The following WWP2 variants were observed in gnomAD, a reference collection of about 807,000 sequenced individuals.
WWP2 encodes NEDD4-like E3 ubiquitin-protein ligase WWP2.
Under a neutral mutation model 121.0 loss-of-function variants are expected in WWP2, and 57 were observed. The ratio of observed to expected loss-of-function variants is 0.47; its 90% CI spans 0.38 to 0.59. The LOEUF is 0.59. Ranked by LOEUF, WWP2 falls within the 20% of genes least tolerant of loss-of-function variation. WWP2 has a pLI of 0.00. For synonymous variants in WWP2, 449 were observed against 441.3 expected (o/e 1.02, Z -0.22); for missense variants, 962 against 1,158.9 (o/e 0.83, Z 2.47).
intron 11 of WWP2, 79 bp from the exon 12 acceptor site, chr16:69,929,367 CCA>C (rs1212688772): frequency 2.2e-6 from 3 of 1,345,286 alleles, no homozygotes; most frequent in Non-Finnish European, 3.2e-6. Flanking sequence ...GACCCAGCAC[CCA>C]GGAGGTGGGA....
chr16:69,936,173 A>G, intron 18 of WWP2, 139 bp from the exon 19 acceptor site: 1 of 1,445,438 alleles, frequency 6.9e-7, no homozygotes, highest in Non-Finnish European at 9.4e-7. Context: ...CTTCTCCTTG[A>G]GTCAAGGAGC....
intron 6 of WWP2, among the ~76,000 whole-genome samples, chr16:69,850,660 G>A (rs1348128777): frequency 1.3e-5 from 2 of 152,188 alleles, no homozygotes; most frequent in Admixed American, 6.5e-5. Context: ...CAGCATGAGT[G>A]AAGGCAAGGA....
intron 4 of WWP2, among the ~76,000 whole-genome samples, chr16:69,801,966 G>A (rs866061550): frequency 6.6e-6 from 1 of 150,622 alleles, no homozygotes; most frequent in Admixed American, 6.6e-5. Context: ...GTCTTGCCCT[G>A]TTGCCCAGGC....
chr16:69,825,087 A>G (rs376248829), intron 4 of WWP2, among the ~76,000 whole-genome samples: 3 of 151,910 alleles, frequency 2.0e-5, no homozygotes, highest in African/African-American at 7.2e-5. Context: ...TTATGTGTAT[A>G]TTTGTGCTTG....
At position 69,934,087 on chromosome 16, in the gene WWP2, C is replaced by G. The variant is rs2058760052; in HGVS notation, c.1800C>G (p.Asp600Glu). ...ACCCCGCCTCCTCCATCAACCCGGA[C>G]CACCTCACCTACTTTCGCTTTATAG... ...QINPASSINPDHLTYFRFIGR... is the reference protein window; with the variant it reads ...QINPASSINPEHLTYFRFIGR... The change falls in exon 17 of 24, where the codon GAC (aspartate) becomes GAG (glutamate). Residue 600 changes from aspartate (D) to glutamate (E), a missense_variant. Coordinates refer to ENST00000359154, the MANE Select transcript of WWP2 (RefSeq NM_001270454.2). 1.2e-6 allele frequency: 2 copies of G among 1,614,210 alleles called. No homozygotes were observed. Among genetic ancestry groups the G allele is most frequent in the Non-Finnish European group, 1.7e-6 (2 of 1,180,028 alleles).
intron 6 of WWP2, among the ~76,000 whole-genome samples, chr16:69,855,006 C>T (rs1337162399): frequency 6.6e-6 from 1 of 152,076 alleles, no homozygotes; most frequent in Non-Finnish European, 1.5e-5. Flanking sequence ...CAGGTGTGCA[C>T]CACCACAGTA....
chr16:69,846,048 T>TGAAAAAAAAAA (rs1567700143), intron 6 of WWP2, among the ~76,000 whole-genome samples: 76 of 1,718 alleles, frequency 0.044, 4 homozygotes, highest in African/African-American at 0.15. Flanking sequence ...AGACTCCATC[T>TGAAAAAAAAAA]CAAAAAAAAA....
intron 7 of WWP2, among the ~76,000 whole-genome samples, chr16:69,877,049 G>T (rs2151923818): frequency 6.6e-6 from 1 of 152,316 alleles, no homozygotes; most frequent in Non-Finnish European, 1.5e-5. Flanking sequence ...AACATTAGCT[G>T]CTAAGAAGAG....
intron 6 of WWP2, among the ~76,000 whole-genome samples, chr16:69,842,963 C>T (rs1597038428): frequency 6.6e-6 from 1 of 152,164 alleles, no homozygotes. Flanking sequence ...GCCACTGTAT[C>T]TGACTTATTT....
intron 4 of WWP2, among the ~76,000 whole-genome samples, chr16:69,822,688 G>A (rs2056614789): frequency 6.6e-6 from 1 of 152,128 alleles, no homozygotes; most frequent in Admixed American, 6.5e-5. Flanking sequence ...AACAGCATGT[G>A]GGAAGCTTTG....
chr16:69,920,590 T>G (rs1344164975), intron 10 of WWP2, among the ~76,000 whole-genome samples: 1 of 152,000 alleles, frequency 6.6e-6, no homozygotes, highest in Non-Finnish European at 1.5e-5. Flanking sequence ...TTCACATGGT[T>G]TTTGTCTACC....
At chr16:69,772,280 G>C (rs1405326206) in intron 1 of WWP2, among the ~76,000 whole-genome samples, 2 of 152,068 alleles carry the variant, frequency 1.3e-5, no homozygotes, top group African/African-American at 4.8e-5. Context: ...GGTTGAACTG[G>C]GTGGGGAGGG....
At chr16:69,853,029 A>G (rs1455004525) in intron 6 of WWP2, among the ~76,000 whole-genome samples, 12 of 152,324 alleles carry the variant, frequency 7.9e-5, no homozygotes, top group African/African-American at 2.4e-4. Flanking sequence ...TTTGTGTTTT[A>G]CTGAGGACTG....
intron 8 of WWP2, 142 bp downstream of exon 8, chr16:69,888,391 G>A (rs2057966264): frequency 3.6e-6 from 3 of 840,996 alleles, no homozygotes; most frequent in Non-Finnish European, 5.4e-6. Flanking sequence ...CAAGGGAGGT[G>A]TGGAAGAACT....
At chr16:69,778,085 A>G (rs868305019) in intron 1 of WWP2, among the ~76,000 whole-genome samples, 18 of 146,906 alleles carry the variant, frequency 1.2e-4, no homozygotes, top group African/African-American at 4.0e-4. Context: ...ATATATATAT[A>G]TATATACACA....
At chr16:69,826,849 G>A (rs2056704782) in intron 4 of WWP2, among the ~76,000 whole-genome samples, 1 of 150,472 alleles carries the variant, frequency 6.6e-6, no homozygotes, top group African/African-American at 2.4e-5. Flanking sequence ...TGAGGCAGGA[G>A]AATGGTGTGA....
intron 8 of WWP2, among the ~76,000 whole-genome samples, chr16:69,906,364 A>T (rs778152274): frequency 6.6e-6 from 1 of 151,916 alleles, no homozygotes; most frequent in Admixed American, 6.6e-5. Flanking sequence ...CAGCCACCGC[A>T]CCCGGCCTTA....
At chr16:69,825,605 T>G (rs895523761) in intron 4 of WWP2, among the ~76,000 whole-genome samples, 3 of 151,588 alleles carry the variant, frequency 2.0e-5, no homozygotes, top group Admixed American at 2.0e-4. Flanking sequence ...CGATATGATA[T>G]AGCAGAAGTG....
At chr16:69,885,616 G>T (rs981552528) in intron 7 of WWP2, among the ~76,000 whole-genome samples, 2 of 152,176 alleles carry the variant, frequency 1.3e-5, no homozygotes, top group African/African-American at 4.8e-5. Context: ...ATCTTCGGTT[G>T]AATTAGAGGA....
Sources: allele counts gnomAD v4.1 joint callset (sites outside exome capture counted in the v4.1 genomes callset), GRCh38; gene constraint gnomAD v4.1.1; transcripts MANE v1.5; gene names NCBI Gene and HGNC (gene_info 2026-07-23, HGNC 2026-07-21).